Variants in AIG1 observed in about 807,000 individuals in gnomAD.
AIG1 encodes androgen-induced gene 1 protein.
A neutral mutation model predicts 31.4 loss-of-function variants in AIG1; 23 were observed. The observed-to-expected ratio is 0.73, with a 90% CI of 0.53 to 1.04. The LOEUF (loss-of-function observed/expected upper bound fraction) is 1.04, where lower values mean the gene tolerates loss of function less well. AIG1 is among the 50% of genes least tolerant of loss of function. The probability of loss-of-function intolerance (pLI) is 0.00; values close to 1 mark genes in which losing one functional copy is unlikely to be tolerated. For synonymous variants in AIG1, 100 were observed against 110.5 expected (o/e 0.90, Z 0.60); for missense variants, 274 against 295.0 (o/e 0.93, Z 0.52).
chr6:143,121,153 C>G (rs186830945), intron 1 of AIG1, among the ~76,000 whole-genome samples: 4 of 152,332 alleles, frequency 2.6e-5, no homozygotes, highest in Admixed American at 1.3e-4. Flanking sequence ...GTTTGAGGCT[C>G]TCTGCTTTGA....
At chr6:143,095,999 T>G (rs954262222) in intron 1 of AIG1, among the ~76,000 whole-genome samples, 1 of 148,654 alleles carries the variant, frequency 6.7e-6, no homozygotes, top group Non-Finnish European at 1.5e-5. Flanking sequence ...CTCTGCCTCC[T>G]GTGTTCAAGC....
At chr6:143,208,023 G>A (rs927781977) in intron 3 of AIG1, among the ~76,000 whole-genome samples, 2 of 152,150 alleles carry the variant, frequency 1.3e-5, no homozygotes, top group Admixed American at 6.5e-5. Flanking sequence ...CTAATTGGCT[G>A]TAACTCAGTA....
intron 1 of AIG1, among the ~76,000 whole-genome samples, chr6:143,079,864 G>C (rs775589902): frequency 2.0e-5 from 3 of 150,954 alleles, no homozygotes; most frequent in African/African-American, 4.9e-5. Flanking sequence ...GACCCAAAGG[G>C]GGTTGCCACT....
At chr6:143,310,727 A>T (rs1775196672) in intron 4 of AIG1, among the ~76,000 whole-genome samples, 1 of 151,550 alleles carries the variant, frequency 6.6e-6, no homozygotes, top group South Asian at 2.1e-4. Flanking sequence ...AAAAGAAAGA[A>T]TATACAAATT....
Position 143,297,910 on chromosome 6 carries a change from C to T in AIG1, c.515+13685C>T, listed in dbSNP as rs553688564. ...GTATCCTTGGGCTGTGATATTCTCA[C>T]GCAACAGTAGAAAAACAAGATGTGT... is the stretch of plus-strand genomic sequence containing the variant. On this transcript the variant is annotated intron_variant, in intron 4 of 5. Transcript: ENST00000357847. The surrounding 1 kb of genome is among the most constrained non-coding windows in gnomAD (Gnocchi z 5.1). Among the ~76,000 whole-genome samples the T allele has an allele frequency of 6.3e-4, 96 of 151,924 alleles. No homozygotes were observed. Among genetic ancestry groups the T allele is most frequent in the South Asian group, 3.5e-3 (17 of 4,818 alleles).
In AIG1 at chr6:143,280,912, G is replaced by T. The variant is rs143078119; in HGVS notation, c.400-3198G>T. 5.3e-3 allele frequency among the ~76,000 whole-genome samples: 802 copies of T among 152,258 alleles called. 8 individuals carry two copies. The highest frequency in any genetic ancestry group is 0.018 in the African/African-American group (748 of 41,546). On this transcript the variant is annotated intron_variant, in intron 3 of 5. Coordinates refer to ENST00000357847, the MANE Select transcript of AIG1 (RefSeq NM_016108.4). This position sits in a 1 kb window ranked among gnomAD's most constrained non-coding sequence, Gnocchi z 4.1. ...AAGTTCTGACTTTATGCTAGCTAAT[G>T]TTATTGTTTATTATTATTGATTGGA...
chr6:143,087,598 A>T (rs1778918733), intron 1 of AIG1, among the ~76,000 whole-genome samples: 1 of 152,220 alleles, frequency 6.6e-6, no homozygotes, highest in Admixed American at 6.5e-5. Flanking sequence ...CAGCGAGCGA[A>T]AGCTCAGCTC....
At chr6:143,059,240 T>C (rs75464224), upstream of AIG1, among the ~76,000 whole-genome samples, 2,657 of 152,322 alleles carry the variant, frequency 0.017, 45 homozygotes, top group Non-Finnish European at 0.024. Flanking sequence ...CCTTTCATGC[T>C]GTGGAAGCTT....
chr6:143,198,554 C>T (rs1378972864), intron 3 of AIG1, among the ~76,000 whole-genome samples: 2 of 152,182 alleles, frequency 1.3e-5, no homozygotes, highest in African/African-American at 4.8e-5. Flanking sequence ...ACCAAAATAA[C>T]AGTCGTTTAA....
In AIG1 at chr6:143,066,958, C is replaced by T. The variant is rs542381198; in HGVS notation, c.141+5892C>T. On this transcript the variant is annotated intron_variant, in intron 1 of 5. Coordinates refer to ENST00000357847, the MANE Select transcript of AIG1 (RefSeq NM_016108.4). ...GCCATGGTAGGAGGCTTGCTTAAAC[C>T]CAGGAGTTCGAGACCAGCCTGGGCA... is the stretch of plus-strand genomic sequence containing the variant. Among the ~76,000 whole-genome samples, 6 of 152,162 alleles carry T rather than the reference C, an allele frequency of 3.9e-5. No individual in the cohort carries two copies. The South Asian group carries it at 1.2e-3, about 32-fold the overall frequency.
At chr6:143,277,196 T>C (rs572925130) in intron 3 of AIG1, among the ~76,000 whole-genome samples, 9 of 152,336 alleles carry the variant, frequency 5.9e-5, no homozygotes, top group Admixed American at 2.6e-4. Context: ...AATGTTCTCA[T>C]TTTTAATACC....
At chr6:143,271,380 G>A (rs1583687593) in intron 3 of AIG1, among the ~76,000 whole-genome samples, 1 of 152,106 alleles carries the variant, frequency 6.6e-6, no homozygotes, top group Non-Finnish European at 1.5e-5. Context: ...GCATGAAGCA[G>A]GATTATAACG....
chr6:143,216,971 C>T (rs941729910), intron 3 of AIG1, among the ~76,000 whole-genome samples: 3 of 152,196 alleles, frequency 2.0e-5, no homozygotes, highest in African/African-American at 7.2e-5. Context: ...TAAAATAAGT[C>T]ACACAGGGTT....
intron 2 of AIG1, among the ~76,000 whole-genome samples, chr6:143,144,439 A>G (rs1366913232): frequency 6.6e-6 from 1 of 152,206 alleles, no homozygotes; most frequent in East Asian, 1.9e-4. Flanking sequence ...CATGAGTATA[A>G]TAATACATGT....
At chr6:143,083,287 A>T (rs532007589) in intron 1 of AIG1, among the ~76,000 whole-genome samples, 1 of 152,346 alleles carries the variant, frequency 6.6e-6, no homozygotes, top group South Asian at 2.1e-4. Context: ...AAAGGACATG[A>T]GTGTCCAAGT....
At chr6:143,149,045 T>C (rs1489881384) in intron 2 of AIG1, among the ~76,000 whole-genome samples, 1 of 152,144 alleles carries the variant, frequency 6.6e-6, no homozygotes, top group Non-Finnish European at 1.5e-5. Context: ...GTTTACAGGA[T>C]GGTAAAATAG....
At chr6:143,200,157 T>C (rs563160288) in intron 3 of AIG1, among the ~76,000 whole-genome samples, 2 of 152,288 alleles carry the variant, frequency 1.3e-5, no homozygotes, top group Admixed American at 6.5e-5. Flanking sequence ...GATGAGATGT[T>C]CATCTCAAAA....
At chr6:143,196,183 G>A (rs1307332690) in intron 3 of AIG1, among the ~76,000 whole-genome samples, 1 of 152,138 alleles carries the variant, frequency 6.6e-6, no homozygotes, top group Non-Finnish European at 1.5e-5. Context: ...ATATTGATCT[G>A]AATGGTAATC....
At chr6:143,314,578 AAAAT>A (rs1775578594) in intron 4 of AIG1, among the ~76,000 whole-genome samples, 1 of 152,158 alleles carries the variant, frequency 6.6e-6, no homozygotes, top group Admixed American at 6.6e-5. Context: ...ATAGCACCAA[AAAAT>A]AAATACTTAG....
Sources: allele counts gnomAD v4.1 joint callset (sites outside exome capture counted in the v4.1 genomes callset), GRCh38; gene constraint gnomAD v4.1.1; non-coding constraint Gnocchi (gnomAD v3.1); transcripts MANE v1.5; gene names NCBI Gene and HGNC (gene_info 2026-07-23, HGNC 2026-07-21).